Variants in SEMA6D observed in about 807,000 individuals in gnomAD.
The protein encoded by SEMA6D is semaphorin 6D.
SEMA6D carries 35 observed loss-of-function variants against 106.6 expected under a neutral mutation model. That is an observed-to-expected ratio of 0.33 (90% CI 0.25 to 0.44). SEMA6D has a LOEUF of 0.44. SEMA6D is among the 20% of genes least tolerant of loss of function. The pLI is 1.00. For synonymous variants in SEMA6D, 499 were observed against 487.7 expected (o/e 1.02, Z -0.31); for missense variants, 1,185 against 1,345.9 (o/e 0.88, Z 1.87).
At chr15:47,749,910 A>G (rs1695056763) in intron 1 of SEMA6D, among the ~76,000 whole-genome samples, 1 of 152,196 alleles carries the variant, frequency 6.6e-6, no homozygotes, top group African/African-American at 2.4e-5. Context: ...GGTGGGAAGA[A>G]CTAGGGGAGT....
At chr15:47,209,120 C>T (rs1232938867) in intron 1 of SEMA6D, among the ~76,000 whole-genome samples, 1 of 151,994 alleles carries the variant, frequency 6.6e-6, no homozygotes, top group Non-Finnish European at 1.5e-5. Context: ...TCAAAAGTAT[C>T]AACTATATAT....
intron 1 of SEMA6D, among the ~76,000 whole-genome samples, chr15:47,254,148 A>G (rs867167713): frequency 2.7e-5 from 4 of 150,540 alleles, no homozygotes; most frequent in African/African-American, 9.8e-5. Context: ...CTATTTCATT[A>G]TTGGTGTTTA....
rs146505469 is a variant in SEMA6D, at chr15:47,665,024, A to G, written c.-55+64128A>G. Among the ~76,000 whole-genome samples the G allele has an allele frequency of 4.5e-3, 690 of 152,232 alleles. 15 individuals carry two copies. In the South Asian group the frequency reaches 0.049, roughly 11 times the overall value. On this transcript the variant is annotated intron_variant, in intron 4 of 19. Transcript: ENST00000558014. ...GTGGTTAACAATTCCAAGGCTGAGT[A>G]TTACCGAGAAGATCCTCTTTTATAT...
At chr15:47,609,352 T>C (rs2076846431) in intron 4 of SEMA6D, among the ~76,000 whole-genome samples, 1 of 152,202 alleles carries the variant, frequency 6.6e-6, no homozygotes, top group Non-Finnish European at 1.5e-5. Context: ...GGGGCAGAAT[T>C]CACTAGTTTA....
intron 1 of SEMA6D, among the ~76,000 whole-genome samples, chr15:47,371,609 C>CA (rs974487175): frequency 1.3e-5 from 2 of 152,108 alleles, no homozygotes; most frequent in African/African-American, 4.8e-5. Flanking sequence ...ATCACATATG[C>CA]ACTATTTCTG....
At chr15:47,495,561 G>A (rs976831107) in intron 3 of SEMA6D, among the ~76,000 whole-genome samples, 17 of 151,796 alleles carry the variant, frequency 1.1e-4, no homozygotes, top group Admixed American at 6.6e-4. Flanking sequence ...TGTAGAATTT[G>A]GGAAACATTA....
intron 1 of SEMA6D, among the ~76,000 whole-genome samples, chr15:47,225,181 A>G (rs775822066): frequency 6.6e-5 from 10 of 151,900 alleles, no homozygotes; most frequent in Non-Finnish European, 1.3e-4. Context: ...TGCCCCCTCC[A>G]TGTGCTTCTT....
At chr15:47,320,893 G>A (rs1166847934) in intron 1 of SEMA6D, among the ~76,000 whole-genome samples, 1 of 152,108 alleles carries the variant, frequency 6.6e-6, no homozygotes, top group African/African-American at 2.4e-5. Context: ...AGTAGAGAGA[G>A]TAAGTGTTCA....
At chr15:47,737,986 C>G (rs1372242228) in intron 1 of SEMA6D, among the ~76,000 whole-genome samples, 1 of 151,850 alleles carries the variant, frequency 6.6e-6, no homozygotes, top group East Asian at 1.9e-4. Context: ...GTTGTGTCTC[C>G]TTCGTAACAA....
At chr15:47,350,069 G>A (rs921447266) in intron 1 of SEMA6D, among the ~76,000 whole-genome samples, 48 of 152,152 alleles carry the variant, frequency 3.2e-4, no homozygotes, top group Admixed American at 1.8e-3. Context: ...ATTTTTGTGT[G>A]TGCACATATA....
chr15:47,482,338 G>T (rs1053704780), intron 3 of SEMA6D, among the ~76,000 whole-genome samples: 1 of 152,078 alleles, frequency 6.6e-6, no homozygotes, highest in Non-Finnish European at 1.5e-5. Context: ...ATGAGCTGAT[G>T]AGGCATTAAT....
intron 3 of SEMA6D, among the ~76,000 whole-genome samples, chr15:47,547,926 A>T (rs959858021): frequency 5.9e-5 from 9 of 152,184 alleles, no homozygotes; most frequent in African/African-American, 1.9e-4. Context: ...TCCTAAGTTT[A>T]GTCCAGGAAG....
intron 1 of SEMA6D, among the ~76,000 whole-genome samples, chr15:47,237,066 A>G (rs1002007744): frequency 6.6e-6 from 1 of 152,152 alleles, no homozygotes; most frequent in Non-Finnish European, 1.5e-5. Flanking sequence ...GTGTTCTTGA[A>G]CAAGTTTTAT....
intron 1 of SEMA6D, among the ~76,000 whole-genome samples, chr15:47,382,791 G>A (rs560304001): frequency 1.9e-4 from 29 of 152,222 alleles, no homozygotes; most frequent in African/African-American, 5.3e-4. Flanking sequence ...GACAAGTGAC[G>A]GAGTCTTGTT....
At chr15:47,343,297 G>A (rs569622553) in intron 1 of SEMA6D, among the ~76,000 whole-genome samples, 27 of 125,118 alleles carry the variant, frequency 2.2e-4, no homozygotes, top group African/African-American at 1.0e-3. Flanking sequence ...GGGTACATAT[G>A]CACCATGTGC....
intron 4 of SEMA6D, among the ~76,000 whole-genome samples, chr15:47,617,558 C>T (rs906865197): frequency 6.6e-6 from 1 of 152,076 alleles, no homozygotes; most frequent in African/African-American, 2.4e-5. Context: ...TGGTTTGGTT[C>T]TGTTTCTTTG....
In SEMA6D at chr15:47,764,311, TA is replaced by T. The variant is rs756965678; in HGVS notation, c.1097+12del. ...GACAAAGTGCCAAAGCCAAGGTAAA[TA>T]AAAAAGTAGAAAAGGGTTTTGTCTT... On this transcript the variant is annotated splice_region_variant and intron_variant, in intron 11 of 18. Transcript: ENST00000536845. The T allele has an allele frequency of 1.2e-6, 2 of 1,609,042 alleles. No individual in the cohort carries two copies. The highest frequency in any genetic ancestry group is 1.7e-6 in the Non-Finnish European group (2 of 1,178,582).
At chr15:47,656,703 C>G (rs1304361391) in intron 4 of SEMA6D, among the ~76,000 whole-genome samples, 1 of 152,146 alleles carries the variant, frequency 6.6e-6, no homozygotes, top group Admixed American at 6.5e-5. Context: ...AAAGCATTAT[C>G]TCAGCATCAA....
intron 1 of SEMA6D, among the ~76,000 whole-genome samples, chr15:47,240,552 C>T (rs1167304694): frequency 6.6e-6 from 1 of 152,068 alleles, no homozygotes; most frequent in Non-Finnish European, 1.5e-5. Flanking sequence ...CATTTAGTCT[C>T]TATGATTTTG....
Sources: gnomAD v4.1 joint callset for allele counts (sites outside exome capture counted in the v4.1 genomes callset) on GRCh38, gnomAD v4.1.1 for gene constraint, MANE v1.5 for transcripts, NCBI Gene and HGNC (gene_info 2026-07-23, HGNC 2026-07-21) for gene names.